Variants in PPP1R21 observed in about 807,000 individuals in gnomAD.
The protein encoded by PPP1R21 is protein phosphatase 1 regulatory subunit 21.
Under a neutral mutation model 112.8 loss-of-function variants are expected in PPP1R21, and 85 were observed. The ratio of observed to expected loss-of-function variants is 0.75; its 90% CI spans 0.63 to 0.90. PPP1R21 has a LOEUF of 0.90. PPP1R21 is among the 40% of genes least tolerant of loss of function. The probability of loss-of-function intolerance (pLI) is 0.00; values close to 1 mark genes in which losing one functional copy is unlikely to be tolerated. For missense variants in PPP1R21, 1,199 were observed against 901.5 expected, an observed-to-expected ratio of 1.33 and a Z score of -4.23; for synonymous variants, 381 against 322.3, an observed-to-expected ratio of 1.18 and a Z score of -1.95.
In PPP1R21 at chr2:48,511,256, A is replaced by C. The variant is rs188302472; in HGVS notation, c.2185-84A>C. On this transcript the variant is annotated intron_variant, in intron 20 of 21. Coordinates refer to ENST00000294952, the MANE Select transcript of PPP1R21 (RefSeq NM_001135629.3). ...TGGGAAACTATAATTTCCCTACTCC[A>C]CATTTTTCTTTTGTGAATTAAAAAA... 2.3e-3 allele frequency: 3,119 copies of C among 1,363,822 alleles called. 10 individuals are homozygous for C. Among genetic ancestry groups the C allele is most frequent in the Non-Finnish European group, 2.6e-3 (2,637 of 997,674 alleles). The allele number at this position is 1,363,822 out of a possible 1,614,324, so 84.5% of individuals were successfully genotyped here.
In PPP1R21 at chr2:48,514,872, G is replaced by C. The variant is rs552437895; in HGVS notation, c.*128G>C. 41 of 838,908 alleles carry C rather than the reference G, an allele frequency of 4.9e-5. No individual in the cohort carries two copies. The African/African-American group carries it at 6.5e-4, about 13-fold the overall frequency. The allele number at this position is 838,908 out of a possible 1,614,324, so 52.0% of individuals were successfully genotyped here. On this transcript the variant is annotated 3_prime_UTR_variant, in exon 22 of 22. Coordinates refer to ENST00000294952, the MANE Select transcript of PPP1R21 (RefSeq NM_001135629.3). The stretch of plus-strand genomic sequence containing the variant: ...AAGTATTGTTGGACCTAGTAAACTA[G>C]TCAGTGTTGGAAACGGCCTTGAAAT...
At chr2:48,460,395 T>C (rs1324723331) in intron 6 of PPP1R21, among the ~76,000 whole-genome samples, 1 of 152,146 alleles carries the variant, frequency 6.6e-6, no homozygotes, top group East Asian at 1.9e-4. Flanking sequence ...TCTGGAGCTC[T>C]TGCACTGAAG....
chr2:48,457,531 ATTC>A (rs1365663835), intron 3 of PPP1R21, among the ~76,000 whole-genome samples: 1 of 152,216 alleles, frequency 6.6e-6, no homozygotes, highest in African/African-American at 2.4e-5. Flanking sequence ...AAATAGTGCT[ATTC>A]TTCTATGTAG....
At chr2:48,498,113 G>T (rs139086791) in intron 16 of PPP1R21, among the ~76,000 whole-genome samples, 111 of 150,638 alleles carry the variant, frequency 7.4e-4, no homozygotes, top group Non-Finnish European at 1.0e-3. Context: ...TTTTTGTTGG[G>T]TTTTTTTTTC....
chr2:48,502,156 A>G (rs1215450197), intron 17 of PPP1R21: 1 of 152,220 alleles, frequency 6.6e-6, no homozygotes, highest in African/African-American at 2.4e-5. Context: ...GGGACACGAA[A>G]AATCTTTAGT....
chr2:48,449,026 CT>C (rs1054140630), intron 1 of PPP1R21, among the ~76,000 whole-genome samples: 2 of 150,660 alleles, frequency 1.3e-5, no homozygotes, highest in Non-Finnish European at 3.0e-5. Context: ...ATCTCTTCTA[CT>C]TTTTTTTTCA....
chr2:48,490,218 CAAAAAAAAA>C (rs70943343), intron 14 of PPP1R21, among the ~76,000 whole-genome samples: 4 of 93,954 alleles, frequency 4.3e-5, no homozygotes, highest in Non-Finnish European at 6.2e-5. Flanking sequence ...GACGCCGACT[CAAAAAAAAA>C]AAAAAAAAAA....
intron 20 of PPP1R21, 110 bp from the exon 21 acceptor site, chr2:48,511,230 T>C (rs1670623445): frequency 7.5e-6 from 8 of 1,061,544 alleles, no homozygotes; most frequent in Non-Finnish European, 1.1e-5. Flanking sequence ...CAGTAAATTA[T>C]TGGGAAACTA....
At chr2:48,499,651 A>T (rs1386063447) in intron 17 of PPP1R21, among the ~76,000 whole-genome samples, 3 of 152,250 alleles carry the variant, frequency 2.0e-5, no homozygotes, top group Non-Finnish European at 4.4e-5. Flanking sequence ...ATTCCTAGAG[A>T]GTGTAAAGCT....
rs558702687 is a variant in PPP1R21, at chr2:48,456,054, C to G, written c.273+1313C>G. Among the ~76,000 whole-genome samples, 24 of 147,300 alleles carry G rather than the reference C, an allele frequency of 1.6e-4. No individual in the cohort carries two copies. In the South Asian group the frequency reaches 4.8e-3, roughly 29 times the overall value. On this transcript the variant is annotated intron_variant, in intron 3 of 21. Coordinates refer to ENST00000294952, the MANE Select transcript of PPP1R21 (RefSeq NM_001135629.3). The stretch of plus-strand genomic sequence containing the variant: ...AAAAAAAATAGTAGCAGTTGAAACA[C>G]TTATACCTTAGGTTTGTAAGTTTAC...
intron 1 of PPP1R21, 47 bp from the exon 2 acceptor site, chr2:48,450,961 C>A (rs1396311173): frequency 2.0e-6 from 3 of 1,481,714 alleles, no homozygotes; most frequent in Non-Finnish European, 2.8e-6. Context: ...CTTGATATAA[C>A]CAATTGCTTT....
chr2:48,460,982 G>T (rs146463624), intron 6 of PPP1R21, among the ~76,000 whole-genome samples, 156 bp from the exon 7 acceptor site: 1 of 152,192 alleles, frequency 6.6e-6, no homozygotes, highest in African/African-American at 2.4e-5. Context: ...TAGCGTTTTT[G>T]TTATCTTCCT....
intron 11 of PPP1R21, among the ~76,000 whole-genome samples, chr2:48,474,186 C>A (rs1668641334): frequency 6.6e-6 from 1 of 151,488 alleles, no homozygotes; most frequent in Non-Finnish European, 1.5e-5. Flanking sequence ...AGTTCGAGAC[C>A]AGCCTGACCA....
chr2:48,491,234 A>G (rs1014002401), intron 15 of PPP1R21, 64 bp downstream of exon 15: 15 of 1,543,380 alleles, frequency 9.7e-6, no homozygotes, highest in East Asian at 2.3e-5. Context: ...AGAGAATGGC[A>G]AGAGTTTTTC....
At chr2:48,462,327 G>T (rs1668010972) in intron 7 of PPP1R21, among the ~76,000 whole-genome samples, 1 of 152,150 alleles carries the variant, frequency 6.6e-6, no homozygotes, top group Non-Finnish European at 1.5e-5. Context: ...ACCTCAAGCA[G>T]TTTATAGCCT....
intron 13 of PPP1R21, among the ~76,000 whole-genome samples, chr2:48,483,185 C>CT (rs901480444): frequency 8.0e-5 from 9 of 112,268 alleles, no homozygotes; most frequent in Middle Eastern, 4.3e-3. Flanking sequence ...AATAAAGATA[C>CT]TTTTTTTTCC....
intron 3 of PPP1R21, among the ~76,000 whole-genome samples, chr2:48,455,269 C>G (rs770144444): frequency 2.0e-5 from 3 of 151,728 alleles, no homozygotes; most frequent in Non-Finnish European, 2.9e-5. Flanking sequence ...GCCTCAACCT[C>G]CCACGTAGCT....
At chr2:48,460,278 A>G in intron 6 of PPP1R21, 125 bp downstream of exon 6, 1 of 932,936 alleles carries the variant, frequency 1.1e-6, no homozygotes. Flanking sequence ...AGTAATCTAC[A>G]GGGTCCTTTT....
rs778907508 is a variant in PPP1R21 at position 48,454,655 on chromosome 2, A to G, written c.187A>G (p.Thr63Ala). The G allele has an allele frequency of 1.2e-5, 19 of 1,613,874 alleles. No homozygotes were observed. Among genetic ancestry groups the G allele is most frequent in the Non-Finnish European group, 1.5e-5 (18 of 1,179,720 alleles). ...ACTACAACAGGAAATGGACAGTTTG[A>G]CATTTCGAAATCTGCAGCTTGCCAA... is the stretch of plus-strand genomic sequence containing the variant. ...RKLQQEMDSL[T>A]FRNLQLAKRV... is the part of the protein sequence containing the mutation. The change falls in exon 3 of 22, where the codon ACA (threonine) becomes GCA (alanine). Residue 63 changes from threonine to alanine, a missense_variant. Transcript: ENST00000294952.
Sources: gnomAD v4.1 joint callset for allele counts (sites outside exome capture counted in the v4.1 genomes callset) on GRCh38, gnomAD v4.1.1 for gene constraint, MANE v1.5 for transcripts, NCBI Gene and HGNC (gene_info 2026-07-23, HGNC 2026-07-21) for gene names.